Variants in CDH2 observed in about 807,000 individuals in gnomAD.
The protein encoded by CDH2 is cadherin-2.
Under a neutral mutation model 92.0 loss-of-function variants are expected in CDH2, and 17 were observed. The observed-to-expected ratio is 0.18, with a 90% CI of 0.13 to 0.28. The LOEUF (loss-of-function observed/expected upper bound fraction) is 0.28. Ranked by LOEUF, CDH2 falls within the 10% of genes least tolerant of loss-of-function variation. The pLI, the probability that CDH2 is intolerant of heterozygous loss-of-function variation, is 1.00. For synonymous variants in CDH2, 419 were observed against 415.9 expected, an observed-to-expected ratio of 1.01 and a Z score of -0.09; for missense variants, 862 against 1,133.1, an observed-to-expected ratio of 0.76 and a Z score of 3.44.
At chr18:27,937,303 T>C (rs986553671) in intron 6 of CDH2, among the ~76,000 whole-genome samples, 2 of 152,214 alleles carry the variant, frequency 1.3e-5, no homozygotes, top group African/African-American at 2.4e-5. Flanking sequence ...ATCTGGATCG[T>C]AGAATTAGAC....
rs576334252 is a variant in CDH2 at position 28,094,696 on chromosome 18, A to G, written c.172+52977T>C. Among the ~76,000 whole-genome samples, 11 of 148,462 alleles carry G rather than the reference A, an allele frequency of 7.4e-5. 1 individual carries two copies. In the South Asian group the frequency reaches 2.0e-3, roughly 27 times the overall value. On this transcript the variant is annotated intron_variant, in intron 2 of 15. Transcript: ENST00000269141. ...GTAGTCCCAGCTACTCAGGAGGCTG[A>G]GGCAGGAGAATGGCGTGAACCCGGG...
intron 14 of CDH2, among the ~76,000 whole-genome samples, chr18:27,965,324 C>T (rs1253740454): frequency 1.3e-5 from 2 of 152,230 alleles, no homozygotes; most frequent in Non-Finnish European, 2.9e-5. Flanking sequence ...AGCTCCTCCT[C>T]TTAGGTGTGT....
At position 28,005,869 on chromosome 18, in the gene CDH2, A is replaced by T; in HGVS notation, c.827T>A (p.Val276Asp). 1 of 1,613,360 alleles carries T rather than the reference A, an allele frequency of 6.2e-7. No individual in the cohort carries two copies. Among genetic ancestry groups the T allele is most frequent in the Non-Finnish European group, 8.5e-7 (1 of 1,179,506 alleles). ...EFLHQVWNGTVPEGSKPGTYV... is the reference protein window; with the variant it reads ...EFLHQVWNGTDPEGSKPGTYV... ...CTTACCAGGCTTTGATCCCTCAGGA[A>T]CTGTCCCATTCCAAACCTGGTGTAA... is the stretch of plus-strand genomic sequence containing the variant. The change falls in exon 6 of 16, where the codon GTT (valine) becomes GAT (aspartate). Residue 276 changes from valine (V) to aspartate (D), a missense_variant. Val to Asp is a radical substitution (Grantham distance 152). Around this residue, in one of 5 missense-constraint regions of CDH2, gnomAD observed 564 missense variants for 722.2 expected, o/e 0.78. Coordinates refer to ENST00000269141, the MANE Select transcript of CDH2 (RefSeq NM_001792.5).
At chr18:27,960,820 T>C (rs903364410) in intron 15 of CDH2, among the ~76,000 whole-genome samples, 1 of 152,178 alleles carries the variant, frequency 6.6e-6, no homozygotes, top group African/African-American at 2.4e-5. Flanking sequence ...GTCAGTTGTT[T>C]GGAAGACGGT....
chr18:28,070,160 A>G (rs2144165485), intron 2 of CDH2, among the ~76,000 whole-genome samples: 1 of 152,298 alleles, frequency 6.6e-6, no homozygotes, highest in South Asian at 2.1e-4. Flanking sequence ...AACATATGGT[A>G]AACTGATAGT....
chr18:27,989,987 G>GT, intron 10 of CDH2, 110 bp downstream of exon 10: 8 of 872,830 alleles, frequency 9.2e-6, no homozygotes, highest in Non-Finnish European at 1.4e-5. Context: ...CTTTTAATAA[G>GT]TAGTTTTGAT....
chr18:27,999,684 A>G lies in CDH2; in HGVS notation c.1020+3313T>C, dbSNP rs180923606. On this transcript the variant is annotated intron_variant, in intron 7 of 15. Transcript: ENST00000269141. ...TATATATACATATATACATATATATATGTGTGTGTGTGTATATATATGTAT... is the reference window on the plus strand; with the variant it reads ...TATATATACATATATACATATATATGTGTGTGTGTGTGTATATATATGTAT... 1.3e-3 allele frequency among the ~76,000 whole-genome samples: 187 copies of G among 149,202 alleles called. 5 individuals are homozygous for G. The East Asian group carries it at 0.026, about 21-fold the overall frequency.
intron 1 of CDH2, 48 bp from the exon 2 acceptor site, chr18:28,147,832 CCTT>C: frequency 9.7e-7 from 1 of 1,028,890 alleles, no homozygotes; most frequent in Non-Finnish European, 1.5e-6. Flanking sequence ...ATTGCTACCT[CCTT>C]CAACTGAGAA....
intron 1 of CDH2, among the ~76,000 whole-genome samples, chr18:28,175,380 A>C (rs1045444687): frequency 2.6e-5 from 4 of 152,206 alleles, no homozygotes; most frequent in African/African-American, 9.6e-5. Context: ...GAAGAAATCC[A>C]AGAAAGGGAA....
chr18:28,110,929 T>A (rs2015400745), intron 2 of CDH2, among the ~76,000 whole-genome samples: 1 of 151,974 alleles, frequency 6.6e-6, no homozygotes, highest in Non-Finnish European at 1.5e-5. Flanking sequence ...CACTTCTAGA[T>A]CAAGCAGGAC....
intron 2 of CDH2, among the ~76,000 whole-genome samples, chr18:28,113,212 G>A (rs1252120300): frequency 6.6e-6 from 1 of 151,982 alleles, no homozygotes; most frequent in Non-Finnish European, 1.5e-5. Flanking sequence ...AAAGAAACAG[G>A]TGAATGGATT....
chr18:27,947,426 T>C (rs1338079166), downstream of CDH2, among the ~76,000 whole-genome samples: 1 of 151,840 alleles, frequency 6.6e-6, no homozygotes, highest in Non-Finnish European at 1.5e-5. Context: ...CTTTTCACAA[T>C]TCAATCAAAT....
At chr18:28,153,548 C>T (rs561523392) in intron 1 of CDH2, among the ~76,000 whole-genome samples, 3 of 152,312 alleles carry the variant, frequency 2.0e-5, no homozygotes, top group Middle Eastern at 3.4e-3. Context: ...CAACACCCCC[C>T]AACCCCCCGG....
intron 1 of CDH2, among the ~76,000 whole-genome samples, chr18:28,154,197 C>T (rs1394942735): frequency 6.6e-6 from 1 of 152,354 alleles, no homozygotes; most frequent in Non-Finnish European, 1.5e-5. Context: ...ATCCCATGCT[C>T]TCTTTATTCT....
chr18:28,062,155 C>A (rs909664926), intron 2 of CDH2, among the ~76,000 whole-genome samples: 1 of 152,158 alleles, frequency 6.6e-6, no homozygotes, highest in East Asian at 1.9e-4. Flanking sequence ...CAAACAGATA[C>A]AATGAACAGC....
At chr18:28,089,935 T>G (rs1311103838) in intron 2 of CDH2, among the ~76,000 whole-genome samples, 1 of 152,198 alleles carries the variant, frequency 6.6e-6, no homozygotes, top group African/African-American at 2.4e-5. Context: ...ATCTTCCATA[T>G]CCACGTGAAT....
At chr18:27,981,648 C>T (rs1242197031) in intron 14 of CDH2, among the ~76,000 whole-genome samples, 1 of 151,996 alleles carries the variant, frequency 6.6e-6, no homozygotes, top group African/African-American at 2.4e-5. Flanking sequence ...AAAGTTTATA[C>T]AATAATGGAT....
intron 14 of CDH2, among the ~76,000 whole-genome samples, chr18:27,980,708 C>T (rs1056817900): frequency 6.1e-5 from 9 of 147,978 alleles, no homozygotes; most frequent in Admixed American, 2.7e-4. Flanking sequence ...CCCCAGAGTA[C>T]GATACAGATA....
intron 8 of CDH2, among the ~76,000 whole-genome samples, chr18:27,993,291 A>C (rs531213038): frequency 6.6e-6 from 1 of 152,316 alleles, no homozygotes; most frequent in African/African-American, 2.4e-5. Flanking sequence ...TATTTTAACA[A>C]CTTTAACAGT....
Sources: allele counts gnomAD v4.1 joint callset (sites outside exome capture counted in the v4.1 genomes callset), GRCh38; gene constraint gnomAD v4.1.1; regional missense constraint gnomAD v4.1.1; transcripts MANE v1.5; gene names NCBI Gene and HGNC (gene_info 2026-07-23, HGNC 2026-07-21).